Variants in TEX11 observed in about 807,000 individuals in gnomAD.
TEX11 encodes the protein testis expressed 11.
In TEX11, 7 loss-of-function variants were observed where a neutral mutation model predicts 84.4. The ratio of observed to expected loss-of-function variants is 0.08; its 90% CI spans 0.05 to 0.16. TEX11 has a LOEUF of 0.16. Ranked by LOEUF, TEX11 falls within the 10% of genes least tolerant of loss-of-function variation. TEX11 has a pLI of 1.00. For synonymous variants in TEX11, 264 were observed against 222.8 expected (o/e 1.18, Z -1.64); for missense variants, 551 against 660.5 (o/e 0.83, Z 1.82).
At chrX:70,684,051 A>T (rs1445736333) in intron 13 of TEX11, among the ~76,000 whole-genome samples, 1 of 111,563 alleles carries the variant, frequency 9.0e-6, no homozygotes, top group Non-Finnish European at 1.9e-5. Flanking sequence ...ACAAAAATTA[A>T]TTCAAAATGG....
chrX:70,758,174 G>A (rs748256873), intron 9 of TEX11, among the ~76,000 whole-genome samples: 3 of 111,506 alleles, frequency 2.7e-5, no homozygotes, highest in African/African-American at 6.5e-5. Context: ...CAATAATAAT[G>A]GGAGACTTTA....
the TEX11 span, among the ~76,000 whole-genome samples, chrX:70,519,056 G>C: frequency 2.7e-3 from 300 of 111,557 alleles, no homozygotes; most frequent in African/African-American, 9.4e-3. Context: ...TGGGTCTTGA[G>C]TCTTTATCCA....
At chrX:70,565,578 G>A (rs954153546) in intron 25 of TEX11, among the ~76,000 whole-genome samples, 1 of 111,132 alleles carries the variant, frequency 9.0e-6, no homozygotes, top group African/African-American at 3.3e-5. Flanking sequence ...ATTGATTTTT[G>A]TATAAGGGGT....
At chrX:70,629,766 T>C in intron 17 of TEX11, 31 bp from the exon 18 acceptor site, 2 of 1,024,698 alleles carry the variant, frequency 2.0e-6, no homozygotes, top group Non-Finnish European at 2.7e-6. Flanking sequence ...TCAAAAATGA[T>C]ATACTCTAAT....
intron 5 of TEX11, chrX:70,857,561 A>G: frequency 3.9e-6 from 1 of 259,204 alleles, no homozygotes; most frequent in Non-Finnish European, 7.3e-6. Context: ...CTGTAGCTAA[A>G]GATTCAAGAT....
chrX:70,540,314 T>TAAAC (rs1177921139), intron 28 of TEX11, among the ~76,000 whole-genome samples: 4 of 111,901 alleles, frequency 3.6e-5, no homozygotes, highest in Non-Finnish European at 7.5e-5. Flanking sequence ...TCTTAATCAT[T>TAAAC]TTAAGTGAAC....
At chrX:70,732,577 A>C (rs748810736) in intron 11 of TEX11, among the ~76,000 whole-genome samples, 28 of 111,803 alleles carry the variant, frequency 2.5e-4, no homozygotes, top group Middle Eastern at 4.2e-3. Context: ...TAAAATACCT[A>C]GGAATCCAAC....
At chrX:70,744,105 T>C in intron 10 of TEX11, 60 bp downstream of exon 10, 4 of 751,150 alleles carry the variant, frequency 5.3e-6, no homozygotes, top group Non-Finnish European at 7.2e-6. Context: ...TATAATTTTA[T>C]AACAATAAAA....
At chrX:70,532,217 C>A (rs971941780) in intron 28 of TEX11, among the ~76,000 whole-genome samples, 1 of 112,097 alleles carries the variant, frequency 8.9e-6, no homozygotes, top group Non-Finnish European at 1.9e-5. Flanking sequence ...TTTGTCTAAT[C>A]CAGGGTATGT....
intron 3 of TEX11, among the ~76,000 whole-genome samples, chrX:70,875,172 T>G (rs193083526): frequency 1.6e-3 from 175 of 109,996 alleles, no homozygotes; most frequent in Non-Finnish European, 2.9e-3. Context: ...AGCGAGACTC[T>G]GTCTCAATAA....
chrX:70,570,994 CT>C (rs1423061712), intron 25 of TEX11, among the ~76,000 whole-genome samples: 1 of 106,435 alleles, frequency 9.4e-6, no homozygotes, highest in Admixed American at 1.0e-4. Context: ...CAACCTATAG[CT>C]TTGTTGATTT....
chrX:70,908,225 C>T (rs1010205576), intron 1 of TEX11, among the ~76,000 whole-genome samples: 1 of 111,695 alleles, frequency 9.0e-6, no homozygotes, highest in African/African-American at 3.3e-5. Flanking sequence ...CCTGCTTCAA[C>T]GTAATTTAGG....
At chrX:70,701,022 C>T (rs1055496081) in intron 13 of TEX11, among the ~76,000 whole-genome samples, 8 of 111,456 alleles carry the variant, frequency 7.2e-5, no homozygotes, top group African/African-American at 2.6e-4. Flanking sequence ...ACCAGAGGTT[C>T]GTTCTTGTGG....
intron 25 of TEX11, among the ~76,000 whole-genome samples, chrX:70,574,834 G>A (rs2088652646): frequency 9.0e-6 from 1 of 111,069 alleles, no homozygotes; most frequent in Admixed American, 9.7e-5. Flanking sequence ...TCTCTGAGGG[G>A]GTAAAACTTG....
chrX:70,633,617 C>T (rs1035225057), intron 17 of TEX11, among the ~76,000 whole-genome samples: 4 of 112,377 alleles, frequency 3.6e-5, no homozygotes, highest in Non-Finnish European at 7.5e-5. Flanking sequence ...ACATGATTGT[C>T]TATTTAGAAA....
At chrX:70,659,477 GAAATGCAAATCAA>G (rs1189764749) in intron 16 of TEX11, among the ~76,000 whole-genome samples, 1 of 111,863 alleles carries the variant, frequency 8.9e-6, no homozygotes, top group East Asian at 2.8e-4. Flanking sequence ...GGTCATTAGG[GAAATGCAAATCAA>G]AAACACAATA....
intron 9 of TEX11, among the ~76,000 whole-genome samples, chrX:70,801,625 T>TTTTCTTTCTTTCTTTC (rs200925505): frequency 1.1e-5 from 1 of 88,729 alleles, no homozygotes; most frequent in Non-Finnish European, 2.2e-5. Flanking sequence ...TTTTCTTTTA[T>TTTTCTTTCTTTCTTTC]TTTCTTTCTT....
intron 28 of TEX11, among the ~76,000 whole-genome samples, chrX:70,547,796 C>T (rs1167495574): frequency 2.7e-5 from 3 of 111,669 alleles, no homozygotes; most frequent in Admixed American, 9.5e-5. Context: ...TGTGGAGAAA[C>T]AGGAACACTT....
intron 9 of TEX11, among the ~76,000 whole-genome samples, chrX:70,803,203 A>G (rs747306888): frequency 2.5e-4 from 28 of 112,322 alleles, no homozygotes; most frequent in Admixed American, 4.8e-4. Flanking sequence ...GATTTCAAAA[A>G]TCTGAAATTT....
Sources: gnomAD v4.1 joint callset for allele counts (sites outside exome capture counted in the v4.1 genomes callset) on GRCh38, gnomAD v4.1.1 for gene constraint, MANE v1.5 for transcripts, NCBI Gene and HGNC (gene_info 2026-07-23, HGNC 2026-07-21) for gene names.